Variants in PITPNC1 observed in about 807,000 individuals in gnomAD.
PITPNC1 encodes phosphatidylinositol transfer protein cytoplasmic 1, also known as cytoplasmic phosphatidylinositol transfer protein 1.
Under a neutral mutation model 44.7 loss-of-function variants are expected in PITPNC1, and 18 were observed. That is an observed-to-expected ratio of 0.40 (90% confidence interval 0.28 to 0.60). The LOEUF is 0.60. PITPNC1 is among the 20% of genes least tolerant of loss of function. The pLI is 0.39. For synonymous variants in PITPNC1, 141 were observed against 149.6 expected, an observed-to-expected ratio of 0.94 and a Z score of 0.42; for missense variants, 290 against 418.4, an observed-to-expected ratio of 0.69 and a Z score of 2.68.
At chr17:67,500,823 G>T (rs200914732) in intron 1 of PITPNC1, among the ~76,000 whole-genome samples, 1 of 150,766 alleles carries the variant, frequency 6.6e-6, no homozygotes, top group African/African-American at 2.4e-5. Flanking sequence ...AGCTGGGACC[G>T]CAGGCGCGCA....
intron 5 of PITPNC1, among the ~76,000 whole-genome samples, chr17:67,631,146 A>T (rs1254488678): frequency 1.3e-5 from 2 of 150,202 alleles, no homozygotes; most frequent in Admixed American, 6.7e-5. Context: ...GCAGATTGGC[A>T]GGAAACCATC....
intron 6 of PITPNC1, among the ~76,000 whole-genome samples, chr17:67,651,013 G>T (rs901725916): frequency 1.3e-5 from 2 of 152,166 alleles, no homozygotes; most frequent in Admixed American, 1.3e-4. Flanking sequence ...GTGCATTCTA[G>T]TGCCAAGAGC....
At chr17:67,498,013 A>G (rs2039978913) in intron 1 of PITPNC1, among the ~76,000 whole-genome samples, 1 of 151,576 alleles carries the variant, frequency 6.6e-6, no homozygotes, top group African/African-American at 2.4e-5. Context: ...GGCATGCGCC[A>G]CCAGGCCTGG....
At chr17:67,667,473 G>C (rs1257540731) in intron 6 of PITPNC1, among the ~76,000 whole-genome samples, 1 of 119,706 alleles carries the variant, frequency 8.4e-6, no homozygotes, top group Middle Eastern at 6.0e-3. Flanking sequence ...AGGCCGCAGT[G>C]AGCCATGATC....
intron 5 of PITPNC1, among the ~76,000 whole-genome samples, chr17:67,625,973 TGTTG>T (rs890207470): frequency 6.0e-5 from 9 of 150,120 alleles, no homozygotes; most frequent in South Asian, 2.1e-4. Context: ...GTGGTTTGTT[TGTTG>T]TTTTTTTTTT....
chr17:67,387,620 C>T (rs1320355795), intron 1 of PITPNC1, among the ~76,000 whole-genome samples: 1 of 152,106 alleles, frequency 6.6e-6, no homozygotes, highest in Non-Finnish European at 1.5e-5. Context: ...GAGCTGAGAT[C>T]GAGGCTGCAC....
chr17:67,610,981 C>T (rs892792769), intron 5 of PITPNC1, among the ~76,000 whole-genome samples: 3 of 151,694 alleles, frequency 2.0e-5, no homozygotes, highest in Non-Finnish European at 4.4e-5. Context: ...TTGACATCTG[C>T]TGCTACTTGT....
Position 67,697,158 on chromosome 17 carries a change from T to A in PITPNC1, c.*4270T>A, listed in dbSNP as rs1259603198. ...TTACATATGCCATCCTTCTGTGTCA[T>A]TTTGTGGCTGTTCTGTGTTTTTCTT... On this transcript the variant is annotated 3_prime_UTR_variant, in exon 9 of 9. Coordinates refer to ENST00000581322, the MANE Select transcript of PITPNC1 (RefSeq NM_012417.4). 6.6e-6 allele frequency: 1 copy of A among 151,048 alleles called. No individual in the cohort carries two copies. Among genetic ancestry groups the A allele is most frequent in the Non-Finnish European group, 1.5e-5 (1 of 67,826 alleles). The allele number at this position is 151,048 out of a possible 1,614,324, so 9.4% of individuals were successfully genotyped here.
chr17:67,432,440 CTTGCAGTGAGCCGAGA>C (rs2038870804), intron 1 of PITPNC1, among the ~76,000 whole-genome samples: 1 of 152,054 alleles, frequency 6.6e-6, no homozygotes, highest in Non-Finnish European at 1.5e-5. Flanking sequence ...GTGAGCCGAG[CTTGCAGTGAGCCGAGA>C]TTGCACCACT....
intron 1 of PITPNC1, among the ~76,000 whole-genome samples, chr17:67,528,603 A>G (rs2040420396): frequency 6.6e-6 from 1 of 152,194 alleles, no homozygotes; most frequent in Non-Finnish European, 1.5e-5. Flanking sequence ...AAATCAGTAT[A>G]AAGGAGGAAA....
chr17:67,447,572 G>A (rs1428273775), intron 1 of PITPNC1, among the ~76,000 whole-genome samples: 1 of 151,572 alleles, frequency 6.6e-6, no homozygotes, highest in East Asian at 1.9e-4. Flanking sequence ...TCACCATCTT[G>A]CCCAGGCTGT....
chr17:67,438,591 C>T (rs1417993191), intron 1 of PITPNC1, among the ~76,000 whole-genome samples: 2 of 152,218 alleles, frequency 1.3e-5, no homozygotes, highest in African/African-American at 4.8e-5. Context: ...GTTGGGATTA[C>T]AGGCGTGAGC....
intron 6 of PITPNC1, among the ~76,000 whole-genome samples, chr17:67,656,822 CT>C (rs1188371181): frequency 6.6e-6 from 1 of 152,102 alleles, no homozygotes; most frequent in African/African-American, 2.4e-5. Context: ...TAAAATAATT[CT>C]GTTCTTTTAT....
intron 5 of PITPNC1, among the ~76,000 whole-genome samples, chr17:67,594,871 G>A (rs2041440234): frequency 6.6e-6 from 1 of 152,208 alleles, no homozygotes; most frequent in Non-Finnish European, 1.5e-5. Flanking sequence ...TAGGGTACTT[G>A]TGAGGATTAA....
chr17:67,488,655 G>A (rs532502336), intron 1 of PITPNC1, among the ~76,000 whole-genome samples: 9 of 152,180 alleles, frequency 5.9e-5, no homozygotes, highest in East Asian at 3.9e-4. Context: ...CATTCCTATC[G>A]TTGTACCAGT....
intron 1 of PITPNC1, among the ~76,000 whole-genome samples, chr17:67,446,719 G>A (rs1023911054): frequency 7.2e-5 from 11 of 151,742 alleles, no homozygotes; most frequent in African/African-American, 2.7e-4. Context: ...ATTGAATGGT[G>A]GGTTTTTGAA....
At chr17:67,424,704 A>G (rs2038720065) in intron 1 of PITPNC1, among the ~76,000 whole-genome samples, 1 of 151,998 alleles carries the variant, frequency 6.6e-6, no homozygotes, top group African/African-American at 2.4e-5. Flanking sequence ...CTGAGGAGAC[A>G]ATTCGACAAT....
chr17:67,427,289 C>T (rs1161003352), intron 1 of PITPNC1, among the ~76,000 whole-genome samples: 2 of 152,184 alleles, frequency 1.3e-5, no homozygotes, highest in East Asian at 3.8e-4. Flanking sequence ...TGGCTCACTG[C>T]AACCTCCACC....
intron 1 of PITPNC1, among the ~76,000 whole-genome samples, chr17:67,477,575 T>G (rs920843482): frequency 1.3e-5 from 2 of 151,760 alleles, no homozygotes; most frequent in Non-Finnish European, 2.9e-5. Context: ...ATTTATTTAT[T>G]TTTTGGTAGA....
Sources: allele counts gnomAD v4.1 joint callset (sites outside exome capture counted in the v4.1 genomes callset), GRCh38; gene constraint gnomAD v4.1.1; transcripts MANE v1.5; gene names NCBI Gene and HGNC (gene_info 2026-07-23, HGNC 2026-07-21).